The following DDR2 variants were observed in gnomAD, a reference collection of about 807,000 sequenced individuals.
DDR2 encodes the protein discoidin domain-containing receptor 2.
A neutral mutation model predicts 94.9 loss-of-function variants in DDR2; 27 were observed. That is an observed-to-expected ratio of 0.28 (90% CI 0.21 to 0.39). The LOEUF is 0.39. Ranked by LOEUF, DDR2 falls within the 10% of genes least tolerant of loss-of-function variation. The pLI, the probability that DDR2 is intolerant of heterozygous loss-of-function variation, is 1.00. For synonymous variants in DDR2, 382 were observed against 377.2 expected (o/e 1.01, Z -0.15); for missense variants, 783 against 1,076.0 (o/e 0.73, Z 3.81).
intron 2 of DDR2, among the ~76,000 whole-genome samples, chr1:162,683,620 A>G (rs1364788016): frequency 2.0e-5 from 3 of 152,142 alleles, no homozygotes; most frequent in Non-Finnish European, 4.4e-5. Context: ...AGTACATTTA[A>G]ATATATTATA....
In DDR2 at chr1:162,733,789, A is replaced by G. The variant is rs1662168522; in HGVS notation, c.82+14644A>G. Among the ~76,000 whole-genome samples the G allele has an allele frequency of 4.6e-5, 7 of 152,296 alleles. No homozygotes were observed. In the South Asian group the frequency reaches 1.5e-3, roughly 32 times the overall value. ...ATTACTATTCTCAAAGTTGCTCACA[A>G]TTTCAACAAGGAGGTAACCAAGCAC... is the stretch of plus-strand genomic sequence containing the variant. On this transcript the variant is annotated intron_variant, in intron 3 of 17. Transcript: ENST00000367921.
intron 1 of DDR2, among the ~76,000 whole-genome samples, chr1:162,654,590 G>A (rs1041374393): frequency 6.6e-6 from 1 of 152,178 alleles, no homozygotes; most frequent in South Asian, 2.1e-4. Context: ...GTGATGGTGC[G>A]GTGGAAATGA....
intron 2 of DDR2, among the ~76,000 whole-genome samples, chr1:162,683,504 A>G (rs922012977): frequency 6.6e-6 from 1 of 152,174 alleles, no homozygotes; most frequent in South Asian, 2.1e-4. Flanking sequence ...CAACAAGCTC[A>G]CCGGATACAA....
At chr1:162,688,616 G>A (rs558259599) in intron 2 of DDR2, among the ~76,000 whole-genome samples, 1 of 152,312 alleles carries the variant, frequency 6.6e-6, no homozygotes, top group African/African-American at 2.4e-5. Context: ...ATTTATACAT[G>A]TCTCTATTAA....
At chr1:162,755,011 G>C in intron 5 of DDR2, 145 bp from the exon 6 acceptor site, 2 of 1,428,730 alleles carry the variant, frequency 1.4e-6, no homozygotes, top group South Asian at 2.4e-5. Flanking sequence ...GGCAGGGAAG[G>C]AATATCAAGG....
intron 1 of DDR2, among the ~76,000 whole-genome samples, chr1:162,642,187 C>T (rs1286188765): frequency 6.6e-6 from 1 of 152,096 alleles, no homozygotes; most frequent in Non-Finnish European, 1.5e-5. Flanking sequence ...GAACTCCTGA[C>T]CTCAGGTGAT....
In DDR2 at chr1:162,761,359, C is replaced by T. The variant is rs147483979; in HGVS notation, c.1004C>T (p.Thr335Met). Reference protein sequence around the residue: ...DDVNPSARFVTVPLHHRMASA... With the variant: ...DDVNPSARFVMVPLHHRMASA... ...GTCAACCCCAGTGCTCGGTTTGTCA[C>T]GGTGCCTCTCCACCACCGAATGGCC... is the stretch of plus-strand genomic sequence containing the variant. The change falls in exon 9 of 18, where the codon ACG becomes ATG. Residue 335 changes from threonine (T) to methionine (M), a missense_variant. Coordinates refer to ENST00000367921, the MANE Select transcript of DDR2 (RefSeq NM_006182.4). The T allele has an allele frequency of 3.0e-5, 49 of 1,614,198 alleles. No individual in the cohort carries two copies. Among genetic ancestry groups the T allele is most frequent in the African/African-American group, 6.7e-5 (5 of 75,054 alleles).
intron 2 of DDR2, among the ~76,000 whole-genome samples, chr1:162,712,569 C>A (rs971638577): frequency 2.0e-5 from 3 of 152,024 alleles, no homozygotes; most frequent in Non-Finnish European, 4.4e-5. Context: ...CCAGTGGGGG[C>A]AGTCCTGAGA....
intron 10 of DDR2, 54 bp downstream of exon 10, chr1:162,766,117 G>A: frequency 6.3e-7 from 1 of 1,591,576 alleles, no homozygotes; most frequent in Non-Finnish European, 8.6e-7. Flanking sequence ...ACTGGGGGAT[G>A]AAGAAGGGTG....
Position 162,710,764 on chromosome 1 carries a change from GCA to G in DDR2, c.-27-8250_-27-8249del, listed in dbSNP as rs113812328. Among the ~76,000 whole-genome samples the G allele has an allele frequency of 4.0e-3, 586 of 148,118 alleles. 9 individuals are homozygous for G. The highest frequency in any genetic ancestry group is 0.012 in the Admixed American group (185 of 14,826). On this transcript the variant is annotated intron_variant, in intron 2 of 17. Coordinates refer to ENST00000367921, the MANE Select transcript of DDR2 (RefSeq NM_006182.4). ...AAATGCAAGTGCCACACACAGTCAT[GCA>G]CACACACACACACACACACACAAAC...
At chr1:162,733,527 T>C (rs1480157424) in intron 3 of DDR2, among the ~76,000 whole-genome samples, 1 of 152,244 alleles carries the variant, frequency 6.6e-6, no homozygotes, top group Non-Finnish European at 1.5e-5. Flanking sequence ...ATTTTCTTAA[T>C]GTGACTATTG....
In DDR2 at chr1:162,767,782, T is replaced by C. The variant is rs553838254; in HGVS notation, c.1293+423T>C. Among the ~76,000 whole-genome samples, 5 of 146,024 alleles carry C rather than the reference T, an allele frequency of 3.4e-5. No individual in the cohort carries two copies. In the East Asian group the frequency reaches 6.1e-4, roughly 18 times the overall value. On this transcript the variant is annotated intron_variant, in intron 11 of 17. Coordinates refer to ENST00000367921, the MANE Select transcript of DDR2 (RefSeq NM_006182.4). The stretch of plus-strand genomic sequence containing the variant: ...ATAATGCTGTTGAAGTTCCTTCTCA[T>C]CTTTTTCACTTTGCTTGTCTGTTTG...
chr1:162,673,837 C>G (rs778345809), intron 2 of DDR2, among the ~76,000 whole-genome samples: 5 of 152,160 alleles, frequency 3.3e-5, no homozygotes, highest in African/African-American at 4.8e-5. Flanking sequence ...ACATGTGTAT[C>G]TATTTGCCTC....
chr1:162,724,288 G>A (rs538720965), intron 3 of DDR2, among the ~76,000 whole-genome samples: 4 of 152,260 alleles, frequency 2.6e-5, no homozygotes, highest in African/African-American at 9.6e-5. Context: ...ATATATCCAT[G>A]CAGCCTCATG....
At chr1:162,759,174 T>C (rs1249289310) in intron 7 of DDR2, among the ~76,000 whole-genome samples, 2 of 152,128 alleles carry the variant, frequency 1.3e-5, no homozygotes, top group Admixed American at 1.3e-4. Flanking sequence ...TAAATAGAAA[T>C]TATTATTTAA....
Position 162,643,493 on chromosome 1 carries a change from C to G in DDR2, c.-192+10862C>G, listed in dbSNP as rs549896388. Among the ~76,000 whole-genome samples the G allele has an allele frequency of 8.9e-4, 135 of 152,022 alleles. 1 individual carries two copies. In the South Asian group the frequency reaches 9.1e-3, roughly 10 times the overall value. Reference sequence around the variant, plus strand: ...GGGCAGAAGATCTAATTTTCTTTTTCTTTCTTGAGATGGAGTCTCGCTCTG... The same window carrying G: ...GGGCAGAAGATCTAATTTTCTTTTTGTTTCTTGAGATGGAGTCTCGCTCTG... On this transcript the variant is annotated intron_variant, in intron 1 of 17. Transcript: ENST00000367921.
At chr1:162,738,178 C>T (rs1662412604) in intron 3 of DDR2, among the ~76,000 whole-genome samples, 1 of 127,638 alleles carries the variant, frequency 7.8e-6, no homozygotes, top group African/African-American at 3.1e-5. Context: ...TCCCTGTTTG[C>T]AGACGACATG....
Position 162,761,416 on chromosome 1 carries a change from A to T in DDR2, c.1061A>T (p.Asp354Val). Residue 354 changes from aspartate to valine, a missense_variant, in exon 9 of 18, where the codon GAT becomes GTT. Asp to Val is a radical substitution (Grantham distance 152). This residue lies in a region of DDR2 where 519 missense variants were observed against 647.9 expected (regional missense o/e 0.80). Transcript: ENST00000367921. Reference protein sequence around the residue: ...SAIKCQYHFADTWMMFSEITF... With the variant: ...SAIKCQYHFAVTWMMFSEITF... ...ATCAAGTGTCAATACCATTTTGCAGATACCTGGATGATGTTCAGTGAGATC... is the reference window on the plus strand; with the variant it reads ...ATCAAGTGTCAATACCATTTTGCAGTTACCTGGATGATGTTCAGTGAGATC... 6.2e-7 allele frequency: 1 copy of T among 1,614,172 alleles called. No individual in the cohort carries two copies. Among genetic ancestry groups the T allele is most frequent in the South Asian group, 1.1e-5 (1 of 91,082 alleles).
intron 2 of DDR2, among the ~76,000 whole-genome samples, chr1:162,667,490 C>A (rs915710019): frequency 6.6e-6 from 1 of 152,116 alleles, no homozygotes; most frequent in Non-Finnish European, 1.5e-5. Context: ...TACAACCAGG[C>A]AGAGAAGCTT....
Sources: allele counts gnomAD v4.1 joint callset (sites outside exome capture counted in the v4.1 genomes callset), GRCh38; gene constraint gnomAD v4.1.1; regional missense constraint gnomAD v4.1.1; transcripts MANE v1.5; gene names NCBI Gene and HGNC (gene_info 2026-07-23, HGNC 2026-07-21).